HTT: variants seen among roughly 807,000 people sequenced by gnomAD.
HTT encodes huntington disease protein.
In HTT, 104 loss-of-function variants were observed where a neutral mutation model predicts 362.3. The ratio of observed to expected loss-of-function variants is 0.29; its 90% CI spans 0.24 to 0.34. The LOEUF (loss-of-function observed/expected upper bound fraction) is 0.34. HTT is among the 10% of genes least tolerant of loss of function. HTT has a pLI of 1.00. For synonymous variants in HTT, 1,577 were observed against 1,548.7 expected (o/e 1.02, Z -0.43); for missense variants, 3,301 against 3,928.6 (o/e 0.84, Z 4.27).
intron 29 of HTT, among the ~76,000 whole-genome samples, chr4:3,163,297 G>A (rs1384418838): frequency 2.0e-5 from 3 of 152,174 alleles, no homozygotes; most frequent in Non-Finnish European, 4.4e-5. Flanking sequence ...TGGTGGATAA[G>A]CTTTTTGATG....
At chr4:3,086,845 C>T (rs963581739) in intron 1 of HTT, 94 bp from the exon 2 acceptor site, 6 of 695,352 alleles carry the variant, frequency 8.6e-6, no homozygotes, top group Admixed American at 4.5e-5. Flanking sequence ...TCATAGTAGT[C>T]GAGAAACACT....
At chr4:3,087,843 G>C (rs1713293434) in intron 2 of HTT, among the ~76,000 whole-genome samples, 1 of 152,108 alleles carries the variant, frequency 6.6e-6, no homozygotes, top group South Asian at 2.1e-4. Flanking sequence ...AAAACGTGTG[G>C]TGATTCTTTT....
chr4:3,176,850 C>CA (rs1282474822), intron 33 of HTT, among the ~76,000 whole-genome samples: 3 of 152,216 alleles, frequency 2.0e-5, no homozygotes, highest in Admixed American at 2.0e-4. Flanking sequence ...ATGCTTTATC[C>CA]ATGGAAGCTC....
chr4:3,229,388 CACCCCACACACCACATGTATGT>C (rs1721110363), intron 59 of HTT, among the ~76,000 whole-genome samples: 1 of 148,706 alleles, frequency 6.7e-6, no homozygotes, highest in African/African-American at 2.5e-5. Context: ...CACGTGCACA[CACCCCACACACCACATGTATGT>C]GCCACACACA....
chr4:3,178,394 C>G lies in HTT; in HGVS notation c.4560C>G (p.Ile1520Met). ...HSKQIIGIPK[I>M]IQLCDGIMAS... ...AACAGATCATTGGAATTCCTAAAAT[C>G]ATTCAGCTCTGTGATGGCATCATGG... The change falls in exon 35 of 67, where the codon ATC becomes ATG. Residue 1520 changes from isoleucine to methionine, a missense_variant. By Grantham distance (10) the Ile-to-Met change is conservative. Transcript: ENST00000355072. 1 of 1,613,606 alleles carries G rather than the reference C, an allele frequency of 6.2e-7. No homozygotes were observed. The highest frequency in any genetic ancestry group is 8.5e-7 in the Non-Finnish European group (1 of 1,179,528).
At chr4:3,208,748 A>G in intron 45 of HTT, 25 bp from the exon 46 acceptor site, 1 of 1,565,834 alleles carries the variant, frequency 6.4e-7, no homozygotes, top group Non-Finnish European at 8.6e-7. Flanking sequence ...ATTATACTGT[A>G]ATTTCATTTT....
intron 30 of HTT, 56 bp downstream of exon 30, chr4:3,172,453 C>T (rs371910317): frequency 1.6e-5 from 17 of 1,089,358 alleles, no homozygotes; most frequent in African/African-American, 6.2e-5. Flanking sequence ...GACAGCAAAA[C>T]GCTGCTACTC....
chr4:3,224,242 G>A, intron 56 of HTT, 111 bp downstream of exon 56: 1 of 1,139,236 alleles, frequency 8.8e-7, no homozygotes, highest in South Asian at 1.4e-5. Context: ...GGTCTGAGTT[G>A]GAGGCTGTGG....
At chr4:3,105,539 C>G in intron 5 of HTT, 103 bp downstream of exon 5, 8 of 806,050 alleles carry the variant, frequency 9.9e-6, no homozygotes, top group South Asian at 7.2e-5. Context: ...TCTGCCCTCT[C>G]CAAATTGCAG....
chr4:3,207,201 G>A, intron 44 of HTT, 80 bp from the exon 45 acceptor site: 2 of 1,300,808 alleles, frequency 1.5e-6, no homozygotes, highest in Non-Finnish European at 2.2e-6. Flanking sequence ...GTACACATCA[G>A]TTCATCCTTT....
chr4:3,177,484 T>G (rs1718292773), intron 34 of HTT, 97 bp downstream of exon 34: 2 of 790,992 alleles, frequency 2.5e-6, no homozygotes, highest in African/African-American at 1.8e-5. Context: ...TGTTAGGCAT[T>G]TTTGCTGTTT....
Position 3,172,979 on chromosome 4 carries a change from A to T in HTT, c.4014A>T (p.Ser1338=). 1 of 1,614,168 alleles carries T rather than the reference A, an allele frequency of 6.2e-7. No individual in the cohort carries two copies. Among genetic ancestry groups the T allele is most frequent in the South Asian group, 1.1e-5 (1 of 91,078 alleles). The change falls in exon 31 of 67, where the codon TCA becomes TCT. Residue 1338 remains serine (S), a synonymous_variant. Coordinates refer to ENST00000355072, the MANE Select transcript of HTT (RefSeq NM_001388492.1). The part of the protein sequence containing the change: ...FDGLSSNPSK[S]QGRAQRLGSS... ...GCTTATCTTCCAACCCCAGCAAGTC[A>T]CAAGGCCGAGCACAGCGCCTTGGCT...
At chr4:3,235,447 CTT>C in intron 62 of HTT, 49 bp downstream of exon 62, 1 of 1,508,846 alleles carries the variant, frequency 6.6e-7, no homozygotes, top group Non-Finnish European at 9.2e-7. Flanking sequence ...GTGGGCTTCC[CTT>C]CTCTTTTCCT....
intron 64 of HTT, among the ~76,000 whole-genome samples, 154 bp downstream of exon 64, chr4:3,236,408 A>G (rs879918817): frequency 3.3e-5 from 5 of 152,174 alleles, no homozygotes; most frequent in Admixed American, 2.6e-4. Context: ...GCCTTGGCTC[A>G]GGGTTCCACT....
chr4:3,176,407 C>T (rs1051555046), intron 33 of HTT, among the ~76,000 whole-genome samples: 1 of 152,184 alleles, frequency 6.6e-6, no homozygotes, highest in African/African-American at 2.4e-5. Flanking sequence ...TTCACAAAAC[C>T]TGTCCGAAGA....
intron 8 of HTT, among the ~76,000 whole-genome samples, chr4:3,116,969 A>G (rs2110173310): frequency 6.6e-6 from 1 of 152,344 alleles, no homozygotes; most frequent in Middle Eastern, 3.4e-3. Flanking sequence ...TTTGTAGGAT[A>G]CGAAATTGTA....
Position 3,157,164 on chromosome 4 carries a change from C to A in HTT, c.3718C>A (p.His1240Asn). The change falls in exon 28 of 67, where the codon CAT becomes AAT. Residue 1240 changes from histidine to asparagine, a missense_variant. His to Asn is a moderately conservative substitution (Grantham distance 68). This residue lies in a region of HTT where 2,316 missense variants were observed against 2,658.5 expected (regional missense o/e 0.87). Transcript: ENST00000355072. Reference sequence around the variant, plus strand: ...TCATCTTCCTTCATACCTCAAACTGCATGATGTCCTGAAAGCTACACACGC... The same window carrying A: ...TCATCTTCCTTCATACCTCAAACTGAATGATGTCCTGAAAGCTACACACGC... ...FYHLPSYLKL[H>N]DVLKATHANY... 6.2e-7 allele frequency: 1 copy of A among 1,613,734 alleles called. No individual in the cohort carries two copies.
chr4:3,168,309 G>A (rs1404089875), intron 29 of HTT, among the ~76,000 whole-genome samples: 1 of 152,252 alleles, frequency 6.6e-6, no homozygotes, highest in Non-Finnish European at 1.5e-5. Context: ...CTGCATGTGT[G>A]CGGGGCTGGG....
chr4:3,186,485 G>A (rs1718762271), intron 37 of HTT, 112 bp from the exon 38 acceptor site: 25 of 1,179,002 alleles, frequency 2.1e-5, no homozygotes, highest in Non-Finnish European at 3.1e-5. Context: ...AATGAGGGAA[G>A]GTGACGATGA....
Sources: allele counts gnomAD v4.1 joint callset (sites outside exome capture counted in the v4.1 genomes callset), GRCh38; gene constraint gnomAD v4.1.1; regional missense constraint gnomAD v4.1.1; transcripts MANE v1.5; gene names NCBI Gene and HGNC (gene_info 2026-07-23, HGNC 2026-07-21).